MCU: variants seen among roughly 807,000 people sequenced by gnomAD.
MCU encodes the protein calcium uniporter protein, mitochondrial.
MCU carries 12 observed loss-of-function variants against 45.2 expected under a neutral mutation model. The ratio of observed to expected loss-of-function variants is 0.27; its 90% confidence interval spans 0.17 to 0.43. The LOEUF (loss-of-function observed/expected upper bound fraction) is 0.43, where lower values mean the gene tolerates loss of function less well. Ranked by LOEUF, MCU falls within the 20% of genes least tolerant of loss-of-function variation. The probability of loss-of-function intolerance (pLI) is 1.00; values close to 1 mark genes in which losing one functional copy is unlikely to be tolerated. For synonymous variants in MCU, 160 were observed against 165.1 expected (o/e 0.97, Z 0.24); for missense variants, 324 against 436.7 (o/e 0.74, Z 2.30).
Position 72,849,170 on chromosome 10 carries a change from A to G in MCU, c.221-10007A>G, listed in dbSNP as rs148501541. ...GTGGCAGGCACCTGTAATCCCAGCT[A>G]CTCGGGAGGCTGAGGCAGGAGAATC... On this transcript the variant is annotated intron_variant, in intron 2 of 7. Transcript: ENST00000373053. 4.4e-3 allele frequency among the ~76,000 whole-genome samples: 670 copies of G among 151,448 alleles called. 2 individuals carry two copies. Among genetic ancestry groups the G allele is most frequent in the Admixed American group, 0.01 (156 of 15,118 alleles).
At chr10:72,838,228 G>A (rs560393124) in intron 2 of MCU, among the ~76,000 whole-genome samples, 7 of 152,152 alleles carry the variant, frequency 4.6e-5, no homozygotes, top group Non-Finnish European at 8.8e-5. Flanking sequence ...AGTGTGAAAG[G>A]TGAACTAGAG....
At chr10:72,798,779 T>C (rs973880196) in intron 1 of MCU, among the ~76,000 whole-genome samples, 4 of 152,154 alleles carry the variant, frequency 2.6e-5, no homozygotes, top group African/African-American at 9.7e-5. Flanking sequence ...CTTTTCTCAG[T>C]GCATATACAA....
intron 1 of MCU, among the ~76,000 whole-genome samples, chr10:72,694,234 ATTC>A (rs1842659378): frequency 6.6e-6 from 1 of 152,228 alleles, no homozygotes; most frequent in Admixed American, 6.5e-5. Context: ...TTTTTCTACA[ATTC>A]TTCTGAAGCC....
At chr10:72,844,343 T>G (rs1845089021) in intron 2 of MCU, among the ~76,000 whole-genome samples, 1 of 152,058 alleles carries the variant, frequency 6.6e-6, no homozygotes, top group South Asian at 2.1e-4. Flanking sequence ...GCCACGATTG[T>G]GCCACTGCAT....
intron 1 of MCU, among the ~76,000 whole-genome samples, chr10:72,720,839 T>A (rs1012217086): frequency 6.6e-6 from 1 of 152,190 alleles, no homozygotes; most frequent in South Asian, 2.1e-4. Context: ...GCTGAAGATA[T>A]GTAACGTGCA....
chr10:72,836,795 A>AT (rs1382477894), intron 2 of MCU, among the ~76,000 whole-genome samples: 1 of 152,196 alleles, frequency 6.6e-6, no homozygotes, highest in African/African-American at 2.4e-5. Flanking sequence ...TCCTTATTAT[A>AT]TATCTTTCTA....
At chr10:72,819,516 A>G (rs1844677815) in intron 1 of MCU, among the ~76,000 whole-genome samples, 1 of 152,222 alleles carries the variant, frequency 6.6e-6, no homozygotes, top group South Asian at 2.1e-4. Flanking sequence ...GAAAGTTTTT[A>G]CATTCAAGGA....
At chr10:72,837,680 T>G (rs1202277725) in intron 2 of MCU, among the ~76,000 whole-genome samples, 1 of 152,140 alleles carries the variant, frequency 6.6e-6, no homozygotes, top group Admixed American at 6.6e-5. Flanking sequence ...AAATGACTGA[T>G]AGTAAAATTT....
At chr10:72,699,541 A>C (rs1306169686) in intron 1 of MCU, among the ~76,000 whole-genome samples, 2 of 151,760 alleles carry the variant, frequency 1.3e-5, no homozygotes, top group African/African-American at 4.8e-5. Context: ...TAGTGATTAG[A>C]GTTCAGTAAG....
intron 1 of MCU, among the ~76,000 whole-genome samples, chr10:72,705,422 C>T (rs2132653953): frequency 6.6e-6 from 1 of 152,290 alleles, no homozygotes. Context: ...TGGCTCAAGC[C>T]TGTAATCCCA....
chr10:72,817,121 T>G (rs191857403), intron 1 of MCU, among the ~76,000 whole-genome samples: 1 of 152,320 alleles, frequency 6.6e-6, no homozygotes, highest in African/African-American at 2.4e-5. Flanking sequence ...GTCCAGAATT[T>G]CTGTGGCATC....
intron 5 of MCU, among the ~76,000 whole-genome samples, chr10:72,870,615 A>G (rs1292466423): frequency 1.3e-5 from 2 of 151,836 alleles, no homozygotes; most frequent in Non-Finnish European, 2.9e-5. Context: ...CTTTGGAACA[A>G]CTCTTTAATG....
chr10:72,793,399 C>T (rs766781341), intron 1 of MCU, among the ~76,000 whole-genome samples: 1 of 152,196 alleles, frequency 6.6e-6, no homozygotes, highest in Non-Finnish European at 1.5e-5. Context: ...TAGTTTCGGA[C>T]CACTTACTGA....
At chr10:72,697,930 G>A (rs901997309) in intron 1 of MCU, among the ~76,000 whole-genome samples, 3 of 149,130 alleles carry the variant, frequency 2.0e-5, no homozygotes, top group African/African-American at 7.3e-5. Flanking sequence ...GTGTCACCAT[G>A]CCTAGCTCAT....
intron 2 of MCU, among the ~76,000 whole-genome samples, chr10:72,841,504 G>T (rs1394057909): frequency 6.6e-6 from 1 of 152,018 alleles, no homozygotes; most frequent in Non-Finnish European, 1.5e-5. Flanking sequence ...CACCGTGTTG[G>T]CCAGGCTGTT....
At chr10:72,748,307 C>T (rs1307394238) in intron 1 of MCU, among the ~76,000 whole-genome samples, 2 of 152,168 alleles carry the variant, frequency 1.3e-5, no homozygotes, top group Admixed American at 6.5e-5. Flanking sequence ...CTTGGCCTCC[C>T]GAAGTGCTGG....
At chr10:72,756,585 C>T (rs1843579939) in intron 1 of MCU, 1 of 152,254 alleles carries the variant, frequency 6.6e-6, no homozygotes, top group Non-Finnish European at 1.5e-5. Context: ...TATTCATGGT[C>T]AGTACACCTT....
intron 4 of MCU, chr10:72,861,826 A>T (rs1335929588): frequency 1.0e-5 from 3 of 297,028 alleles, no homozygotes; most frequent in South Asian, 5.3e-5. Context: ...GTACTATTTT[A>T]AAAAACCAGA....
rs1217519248 is a variant in MCU at position 72,859,222 on chromosome 10, G to C, written c.266G>C (p.Arg89Thr). 2 of 1,611,876 alleles carry C rather than the reference G, an allele frequency of 1.2e-6. No homozygotes were observed. Among genetic ancestry groups the C allele is most frequent in the Non-Finnish European group, 8.5e-7 (1 of 1,179,140 alleles). ...YQNGLPVISV[R>T]LPSRRERCQF... is the part of the protein sequence containing the mutation. ...AATGGGTTACCTGTGATATCTGTGA[G>C]GCTACCATCCCGGCGTGAACGCTGT... The change falls in exon 3 of 8, where the codon AGG (arginine) becomes ACG (threonine). Residue 89 changes from arginine to threonine, a missense_variant. Physicochemically the swap from Arg to Thr is moderately conservative, Grantham distance 71. Transcript: ENST00000373053.
Sources: gnomAD v4.1 joint callset for allele counts (sites outside exome capture counted in the v4.1 genomes callset) on GRCh38, gnomAD v4.1.1 for gene constraint, MANE v1.5 for transcripts, NCBI Gene and HGNC (gene_info 2026-07-23, HGNC 2026-07-21) for gene names.